EIF2B3: variants seen among roughly 807,000 people sequenced by gnomAD.
EIF2B3 encodes translation initiation factor eIF2B subunit gamma.
In EIF2B3, 20 loss-of-function variants were observed where a neutral mutation model predicts 54.1. The ratio of observed to expected loss-of-function variants is 0.37; its 90% CI spans 0.26 to 0.54. EIF2B3 has a LOEUF of 0.54. Ranked by LOEUF, EIF2B3 falls within the 20% of genes least tolerant of loss-of-function variation. The pLI, the probability that EIF2B3 is intolerant of heterozygous loss-of-function variation, is 0.86. For missense variants in EIF2B3, 448 were observed against 547.8 expected (o/e 0.82, Z 1.82); for synonymous variants, 153 against 188.1 (o/e 0.81, Z 1.52).
chr1:44,975,445 T>C (rs1239955156), intron 3 of EIF2B3, among the ~76,000 whole-genome samples: 2 of 152,194 alleles, frequency 1.3e-5, no homozygotes, highest in Admixed American at 6.5e-5. Context: ...CTATATGGTA[T>C]AGCCTATTGT....
At chr1:44,917,985 G>A (rs1240622873) in intron 5 of EIF2B3, among the ~76,000 whole-genome samples, 4 of 150,224 alleles carry the variant, frequency 2.7e-5, no homozygotes, top group Non-Finnish European at 5.9e-5. Flanking sequence ...GTGTTAGCCA[G>A]GATGGTCTCA....
At chr1:44,978,621 CTTTTT>C (rs57964686) in intron 2 of EIF2B3, among the ~76,000 whole-genome samples, 161 bp from the exon 3 acceptor site, 2 of 76,634 alleles carry the variant, frequency 2.6e-5, no homozygotes, top group African/African-American at 6.5e-5. Context: ...CCAATAAATT[CTTTTT>C]TTTTTTTTTT....
chr1:44,890,228 T>G (rs990534036), intron 6 of EIF2B3, among the ~76,000 whole-genome samples: 1 of 152,196 alleles, frequency 6.6e-6, no homozygotes, highest in African/African-American at 2.4e-5. Context: ...CTGTGCCTGC[T>G]TATTAGGCCC....
chr1:44,945,109 C>A (rs1393583441), intron 3 of EIF2B3, among the ~76,000 whole-genome samples: 1 of 152,044 alleles, frequency 6.6e-6, no homozygotes, highest in Non-Finnish European at 1.5e-5. Context: ...AACAGAATCA[C>A]CATTTCTTTT....
chr1:44,966,230 G>A (rs1423456523), intron 3 of EIF2B3, among the ~76,000 whole-genome samples: 1 of 152,032 alleles, frequency 6.6e-6, no homozygotes, highest in African/African-American at 2.4e-5. Flanking sequence ...ACAAGGTCAA[G>A]AGATCGAGAC....
At chr1:44,966,438 CAAAAAAAAAAA>C (rs60200568) in intron 3 of EIF2B3, among the ~76,000 whole-genome samples, 23 of 85,968 alleles carry the variant, frequency 2.7e-4, no homozygotes, top group Non-Finnish European at 4.9e-4. Context: ...GACTCTGTCT[CAAAAAAAAAAA>C]AAAAAAAGAA....
chr1:44,874,542 A>G (rs760509375), intron 10 of EIF2B3, 136 bp downstream of exon 10: 27 of 908,282 alleles, frequency 3.0e-5, no homozygotes, highest in Non-Finnish European at 4.4e-5. Flanking sequence ...ATATCTGAAA[A>G]TGTTTTTATT....
At chr1:44,951,234 C>T (rs957324762) in intron 3 of EIF2B3, among the ~76,000 whole-genome samples, 3 of 152,160 alleles carry the variant, frequency 2.0e-5, no homozygotes, top group African/African-American at 7.2e-5. Context: ...ATGTGACACA[C>T]ATATATTGAA....
chr1:44,926,002 C>T (rs1003504398), intron 5 of EIF2B3, among the ~76,000 whole-genome samples: 4 of 151,500 alleles, frequency 2.6e-5, no homozygotes, highest in South Asian at 2.1e-4. Context: ...CCGAGGTGGG[C>T]GGATCACTTG....
At chr1:44,937,190 C>CA (rs938178352) in intron 4 of EIF2B3, 1 of 152,126 alleles carries the variant, frequency 6.6e-6, no homozygotes, top group Non-Finnish European at 1.5e-5. Context: ...CTTATGAATC[C>CA]AACTATAGCT....
chr1:44,863,446 G>C (rs1654676045), intron 10 of EIF2B3, among the ~76,000 whole-genome samples: 1 of 152,040 alleles, frequency 6.6e-6, no homozygotes, highest in Non-Finnish European at 1.5e-5. Context: ...TGTTGCCCAG[G>C]CTGGTCTCAA....
chr1:44,930,733 C>A (rs1481369797), intron 4 of EIF2B3, among the ~76,000 whole-genome samples: 1 of 152,164 alleles, frequency 6.6e-6, no homozygotes, highest in African/African-American at 2.4e-5. Flanking sequence ...CTCCGCCTCT[C>A]GGGTTCAAGC....
At chr1:44,910,621 C>G (rs935824617) in intron 5 of EIF2B3, among the ~76,000 whole-genome samples, 22 of 149,032 alleles carry the variant, frequency 1.5e-4, no homozygotes, top group South Asian at 6.4e-4. Context: ...CCCCACCCCC[C>G]CAAGTAATGC....
At position 44,928,499 on chromosome 1, in the gene EIF2B3, CG is replaced by C. The variant is rs773608780; in HGVS notation, c.455-1761del. Among the ~76,000 whole-genome samples the C allele has an allele frequency of 4.2e-3, 607 of 142,966 alleles. 4 individuals carry two copies. Among genetic ancestry groups the C allele is most frequent in the African/African-American group, 0.015 (569 of 38,936 alleles). The allele number at this position is 142,966 out of a possible 152,430, so 93.8% of individuals were successfully genotyped here. On this transcript the variant is annotated intron_variant, in intron 4 of 11. Transcript: ENST00000360403. Reference sequence around the variant, plus strand: ...GTTACTTTATTTATTTAGGGCGCTTCGTTTTTTTTTTTTTTAAAGAATTTTC... The same window carrying C: ...GTTACTTTATTTATTTAGGGCGCTTCTTTTTTTTTTTTTTAAAGAATTTTC...
At chr1:44,889,211 C>T (rs141704868) in intron 6 of EIF2B3, among the ~76,000 whole-genome samples, 11 of 152,242 alleles carry the variant, frequency 7.2e-5, no homozygotes, top group South Asian at 2.1e-4. Flanking sequence ...TGGCTAGAGT[C>T]GGGTAATAAG....
At chr1:44,866,495 G>A (rs1654787027) in intron 10 of EIF2B3, among the ~76,000 whole-genome samples, 1 of 151,984 alleles carries the variant, frequency 6.6e-6, no homozygotes, top group Admixed American at 6.6e-5. Context: ...ATGTGAGCAT[G>A]AATAAAGTGT....
At chr1:44,949,388 T>C (rs1463118717) in intron 3 of EIF2B3, among the ~76,000 whole-genome samples, 1 of 152,224 alleles carries the variant, frequency 6.6e-6, no homozygotes, top group Non-Finnish European at 1.5e-5. Flanking sequence ...ATCTAGACTT[T>C]GAGCTCCATA....
In EIF2B3 at chr1:44,972,266, CATAT is replaced by C. The variant is rs1225477512; in HGVS notation, c.294+6045_294+6048del. Among the ~76,000 whole-genome samples, 34 of 92,966 alleles carry C rather than the reference CATAT, an allele frequency of 3.7e-4. 1 individual carries two copies. The highest frequency in any genetic ancestry group is 1.0e-3 in the African/African-American group (30 of 29,972). The allele number at this position is 92,966 out of a possible 152,430, so 61.0% of individuals were successfully genotyped here. On this transcript the variant is annotated intron_variant, in intron 3 of 11. Coordinates refer to ENST00000360403, the MANE Select transcript of EIF2B3 (RefSeq NM_020365.5). ...ACACACACAAACACACACACACACA[CATAT>C]ACACACACAAACACACACATGTATA...
chr1:44,957,255 G>GA (rs1644235325), intron 3 of EIF2B3, among the ~76,000 whole-genome samples: 1 of 108,080 alleles, frequency 9.3e-6, no homozygotes. Flanking sequence ...GACAGGGCAA[G>GA]ACCTAAAAGT....
Sources: allele counts gnomAD v4.1 joint callset (sites outside exome capture counted in the v4.1 genomes callset), GRCh38; gene constraint gnomAD v4.1.1; transcripts MANE v1.5; gene names NCBI Gene and HGNC (gene_info 2026-07-23, HGNC 2026-07-21).